The following AAMDC variants were observed in gnomAD, a reference collection of about 807,000 sequenced individuals.
AAMDC encodes mth938 domain-containing protein.
In AAMDC, 16 loss-of-function variants were observed where a neutral mutation model predicts 15.5. That is an observed-to-expected ratio of 1.03 (90% CI 0.70 to 1.57). AAMDC has a LOEUF of 1.57. Ranked by LOEUF, AAMDC falls within the 40% of genes most tolerant of loss-of-function variation. The pLI is 0.00. For synonymous variants in AAMDC, 51 were observed against 51.6 expected (o/e 0.99, Z 0.05); for missense variants, 141 against 144.9 (o/e 0.97, Z 0.14).
intron 2 of AAMDC, among the ~76,000 whole-genome samples, chr11:77,858,967 C>T (rs1950759849): frequency 6.6e-6 from 1 of 152,226 alleles, no homozygotes; most frequent in South Asian, 2.1e-4. Flanking sequence ...GCACACTTTA[C>T]AGGCCCTGAC....
At chr11:77,852,240 AAGAAG>A (rs1229804320) in intron 2 of AAMDC, among the ~76,000 whole-genome samples, 1 of 125,002 alleles carries the variant, frequency 8.0e-6, no homozygotes, top group Non-Finnish European at 1.7e-5. Flanking sequence ...AAAAAAAAAA[AAGAAG>A]AAGAAGAAGA....
chr11:77,839,104 A>C (rs1218049373), intron 1 of AAMDC, among the ~76,000 whole-genome samples: 1 of 152,138 alleles, frequency 6.6e-6, no homozygotes, highest in East Asian at 1.9e-4. Context: ...GACTTCTGAG[A>C]ATACTCAATT....
chr11:77,832,356 C>T (rs529391383), intron 1 of AAMDC, among the ~76,000 whole-genome samples: 12 of 150,530 alleles, frequency 8.0e-5, no homozygotes, highest in Admixed American at 2.6e-4. Flanking sequence ...GACGGCGTTT[C>T]GCTCTTGTTG....
intron 2 of AAMDC, among the ~76,000 whole-genome samples, chr11:77,847,351 T>C (rs1241694911): frequency 6.6e-6 from 1 of 152,240 alleles, no homozygotes; most frequent in African/African-American, 2.4e-5. Flanking sequence ...GTAGGTTGTA[T>C]AGTCTATCAC....
At chr11:77,822,875 G>A (rs1280808910) in intron 1 of AAMDC, among the ~76,000 whole-genome samples, 1 of 152,110 alleles carries the variant, frequency 6.6e-6, no homozygotes, top group Non-Finnish European at 1.5e-5. Context: ...GGTTAAAATG[G>A]CATATTTTAT....
At chr11:77,875,135 A>C (rs1266007381), downstream of AAMDC, among the ~76,000 whole-genome samples, 2 of 152,168 alleles carry the variant, frequency 1.3e-5, no homozygotes, top group East Asian at 3.8e-4. Context: ...TCTCAAAGCA[A>C]ATATAAAGTC....
intron 1 of AAMDC, chr11:77,829,578 C>T (rs1178711020): frequency 6.6e-6 from 1 of 152,094 alleles, no homozygotes; most frequent in Non-Finnish European, 1.5e-5. Flanking sequence ...GAAGTTGAAC[C>T]CCTAATTCAT....
chr11:77,850,959 T>G (rs1950352849), intron 2 of AAMDC: 1 of 147,596 alleles, frequency 6.8e-6, no homozygotes, highest in African/African-American at 2.5e-5. Flanking sequence ...ATATCTTTTT[T>G]TTTTTTTTTT....
intron 1 of AAMDC, chr11:77,829,976 T>C (rs534772518): frequency 3.3e-5 from 5 of 152,220 alleles, no homozygotes; most frequent in African/African-American, 1.2e-4. Flanking sequence ...TACAAAATTC[T>C]TTTTTATAGC....
chr11:77,831,755 G>A (rs1456744245), intron 1 of AAMDC: 2 of 150,542 alleles, frequency 1.3e-5, no homozygotes, highest in African/African-American at 2.5e-5. Flanking sequence ...GAGTGCAGTG[G>A]TACGATCTTG....
Position 77,821,256 on chromosome 11 carries a change from G to C in AAMDC, c.-19+15G>C, listed in dbSNP as rs752849167. The stretch of plus-strand genomic sequence containing the variant: ...CAGTGCGGTGGGTGAGTTTGCGGGG[G>C]AATCCTGAAACTGGGCCACGAGATG... On this transcript the variant is annotated intron_variant, in intron 1 of 3. Coordinates refer to ENST00000393427, the MANE Select transcript of AAMDC (RefSeq NM_024684.4). 4.3e-6 allele frequency: 1 copy of C among 230,074 alleles called. No homozygotes were observed. The highest frequency in any genetic ancestry group is 5.6e-5 in the Admixed American group (1 of 17,982). The allele number at this position is 230,074 out of a possible 1,614,324, so 14.3% of individuals were successfully genotyped here.
chr11:77,886,192 A>C (rs1259131260), intron 5 of AAMDC, among the ~76,000 whole-genome samples: 3 of 152,112 alleles, frequency 2.0e-5, no homozygotes, highest in African/African-American at 7.2e-5. Flanking sequence ...CAACAGACAG[A>C]GACCTTGTCT....
At chr11:77,865,197 G>T (rs1256743846) in intron 2 of AAMDC, among the ~76,000 whole-genome samples, 3 of 152,114 alleles carry the variant, frequency 2.0e-5, no homozygotes, top group Non-Finnish European at 4.4e-5. Context: ...TTTAGTAATG[G>T]ATTACTTAGC....
intron 2 of AAMDC, among the ~76,000 whole-genome samples, chr11:77,844,053 T>A (rs1352696178): frequency 1.3e-5 from 2 of 152,126 alleles, no homozygotes; most frequent in Non-Finnish European, 2.9e-5. Flanking sequence ...ATGCAGGAAT[T>A]GTGGGAGTTA....
intron 3 of AAMDC, 154 bp downstream of exon 3, chr11:77,869,971 C>A: frequency 3.2e-6 from 2 of 621,994 alleles, no homozygotes; most frequent in Non-Finnish European, 2.8e-6. Flanking sequence ...ATTCCTCTGC[C>A]TCATCAGCGT....
chr11:77,846,186 G>T (rs570339371), intron 2 of AAMDC, among the ~76,000 whole-genome samples: 1 of 152,306 alleles, frequency 6.6e-6, no homozygotes, highest in East Asian at 1.9e-4. Flanking sequence ...TTACCTTAGT[G>T]ATGAGCTAAT....
intron 1 of AAMDC, among the ~76,000 whole-genome samples, chr11:77,836,572 G>C (rs1004985380): frequency 6.6e-6 from 1 of 152,170 alleles, no homozygotes; most frequent in African/African-American, 2.4e-5. Flanking sequence ...GTGGTATTTT[G>C]TAATGGAAGC....
chr11:77,894,118 C>T (rs969157845), intron 5 of AAMDC, among the ~76,000 whole-genome samples: 9 of 152,070 alleles, frequency 5.9e-5, no homozygotes, highest in South Asian at 2.1e-4. Context: ...AGGAAAAAAA[C>T]CAAATTAGGT....
At chr11:77,855,720 CTTT>C (rs374235923) in intron 2 of AAMDC, among the ~76,000 whole-genome samples, 6 of 127,958 alleles carry the variant, frequency 4.7e-5, no homozygotes, top group Admixed American at 2.5e-4. Flanking sequence ...AGTTTTATGT[CTTT>C]TTTTTTTTTT....
Sources: gnomAD v4.1 joint callset for allele counts (sites outside exome capture counted in the v4.1 genomes callset) on GRCh38, gnomAD v4.1.1 for gene constraint, MANE v1.5 for transcripts, NCBI Gene and HGNC (gene_info 2026-07-23, HGNC 2026-07-21) for gene names.